VCAM1: variants seen among roughly 807,000 people sequenced by gnomAD.
VCAM1 encodes vascular cell adhesion molecule 1, also known as vascular cell adhesion protein 1.
VCAM1 carries 41 observed loss-of-function variants against 63.8 expected under a neutral mutation model. The observed-to-expected ratio is 0.64, with a 90% CI of 0.50 to 0.83. The LOEUF is 0.83. Ranked by LOEUF, VCAM1 falls within the 40% of genes least tolerant of loss-of-function variation. VCAM1 has a pLI of 0.00. For synonymous variants in VCAM1, 338 were observed against 320.7 expected (o/e 1.05, Z -0.58); for missense variants, 798 against 875.5 (o/e 0.91, Z 1.12).
rs35811606 is a variant in VCAM1 at position 100,728,715 on chromosome 1, A to AATATATATATATATAT, written c.929-384_929-369dup. Among the ~76,000 whole-genome samples, 426 of 144,982 alleles carry AATATATATATATATAT rather than the reference A, an allele frequency of 2.9e-3. 1 individual carries two copies. Among genetic ancestry groups the AATATATATATATATAT allele is most frequent in the African/African-American group, 0.011 (416 of 38,966 alleles). On this transcript the variant is annotated intron_variant, in intron 4 of 8. Coordinates refer to ENST00000294728, the MANE Select transcript of VCAM1 (RefSeq NM_001078.4). ...AAAATTGTTGTGAGGATTAAATGAG[A>AATATATATATATATAT]ATATATATATATATATATATATAGT... is the stretch of plus-strand genomic sequence containing the variant.
chr1:100,724,983 A>G, intron 4 of VCAM1, 93 bp downstream of exon 4: 3 of 1,473,992 alleles, frequency 2.0e-6, no homozygotes, highest in African/African-American at 1.4e-5. Context: ...TGCTTCCCTT[A>G]GTTTCACTGA....
rs1660435864 is a variant in VCAM1 at position 100,731,083 on chromosome 1, A to C, written c.1205-115A>C. 16 of 878,152 alleles carry C rather than the reference A, an allele frequency of 1.8e-5. No homozygotes were observed. In the South Asian group the frequency reaches 2.5e-4, roughly 14 times the overall value. The allele number at this position is 878,152 out of a possible 1,614,324, so 54.4% of individuals were successfully genotyped here. A position where few individuals can be genotyped will look rare whatever the true frequency, so the allele number is the denominator to read the frequency against. On this transcript the variant is annotated intron_variant, in intron 5 of 8. Coordinates refer to ENST00000294728, the MANE Select transcript of VCAM1 (RefSeq NM_001078.4). The surrounding 1 kb of genome is among the most constrained non-coding windows in gnomAD (Gnocchi z 4.2). ...TGTCATTACTTATATATTGACAGTC[A>C]TTCTATCCCAGGTGACTTAAAGCTG... is the stretch of plus-strand genomic sequence containing the variant.
At chr1:100,732,323 C>G in intron 6 of VCAM1, 95 bp from the exon 7 acceptor site, 7 of 1,321,450 alleles carry the variant, frequency 5.3e-6, no homozygotes, top group Non-Finnish European at 6.1e-6. Flanking sequence ...CTCTTTGAGT[C>G]TGCTGAATCC....
At chr1:100,736,732 G>C (rs1437160967) in intron 8 of VCAM1, 2 of 152,112 alleles carry the variant, frequency 1.3e-5, no homozygotes, top group Non-Finnish European at 2.9e-5. Flanking sequence ...TCTAGCAAGG[G>C]AAAGTCAAAA....
At chr1:100,729,616 A>G (rs1299240511) in intron 5 of VCAM1, among the ~76,000 whole-genome samples, 1 of 152,136 alleles carries the variant, frequency 6.6e-6, no homozygotes, top group Non-Finnish European at 1.5e-5. Context: ...TGCCTTGTCA[A>G]TACTCTCTCA....
At chr1:100,721,053 TA>T (rs1659935731) in intron 2 of VCAM1, among the ~76,000 whole-genome samples, 1 of 152,102 alleles carries the variant, frequency 6.6e-6, no homozygotes, top group South Asian at 2.1e-4. Context: ...TTTGTTTTAT[TA>T]AAAAATATTT....
rs1483916897 is a variant in VCAM1 at position 100,738,438 on chromosome 1, G to A, written c.*155G>A. The A allele has an allele frequency of 6.2e-6, 5 of 804,254 alleles. No homozygotes were observed. Among genetic ancestry groups the A allele is most frequent in the Non-Finnish European group, 5.5e-6 (3 of 549,928 alleles). 49.8% of individuals were successfully genotyped at this position (804,254 alleles called of 1,614,324 possible). ...TGCCCATCTATGTCCCTTGCTGTGA[G>A]CAAGAAGTCAAAGTAAAACTTGCTG... On this transcript the variant is annotated 3_prime_UTR_variant, in exon 9 of 9. Transcript: ENST00000294728.
In VCAM1 at chr1:100,731,118, G is replaced by T; in HGVS notation, c.1205-80G>T. 1 of 1,396,020 alleles carries T rather than the reference G, an allele frequency of 7.2e-7. No homozygotes were observed. Among genetic ancestry groups the T allele is most frequent in the Non-Finnish European group, 9.6e-7 (1 of 1,040,554 alleles). The allele number at this position is 1,396,020 out of a possible 1,614,324, so 86.5% of individuals were successfully genotyped here. ...AGGTGACTTAAAGCTGTCATTTTTA[G>T]GCCTTTACATTTAATAAAGCTTAGC... On this transcript the variant is annotated intron_variant, in intron 5 of 8. Transcript: ENST00000294728. This position sits in a 1 kb window ranked among gnomAD's most constrained non-coding sequence, Gnocchi z 4.2.
intron 3 of VCAM1, among the ~76,000 whole-genome samples, chr1:100,723,630 T>C (rs1001447037): frequency 3.6e-4 from 54 of 152,096 alleles, no homozygotes; most frequent in African/African-American, 1.3e-3. Flanking sequence ...TACCACCTGA[T>C]TGGGTAGTGG....
chr1:100,720,739 G>A lies in VCAM1; in HGVS notation c.328G>A (p.Val110Met), dbSNP rs761890360. The A allele has an allele frequency of 1.2e-6, 2 of 1,611,236 alleles. No homozygotes were observed. The highest frequency in any genetic ancestry group is 1.1e-5 in the South Asian group (1 of 90,810). ...TAGGAAATTGGAAAAAGGAATCCAG[G>A]TGGAGATCTACTGTGAGTGCTTTAG... ...ESRKLEKGIQ[V>M]EIYSFPKDPE... The change falls in exon 2 of 9, where the codon GTG (valine) becomes ATG (methionine). Residue 110 changes from valine (V) to methionine (M), a missense_variant. Val to Met is a conservative substitution (Grantham distance 21). Coordinates refer to ENST00000294728, the MANE Select transcript of VCAM1 (RefSeq NM_001078.4).
rs1660732446 is a variant in VCAM1 at position 100,738,319 on chromosome 1, A to G, written c.*36A>G. 6.3e-7 allele frequency: 1 copy of G among 1,594,976 alleles called. No homozygotes were observed. Among genetic ancestry groups the G allele is most frequent in the Non-Finnish European group, 8.6e-7 (1 of 1,168,574 alleles). ...ATATGTTCAACTGGAGACACTATTT[A>G]TCTGTGCAAATCCTTGATACTGCTC... On this transcript the variant is annotated 3_prime_UTR_variant, in exon 9 of 9. Coordinates refer to ENST00000294728, the MANE Select transcript of VCAM1 (RefSeq NM_001078.4).
Position 100,731,101 on chromosome 1 carries a change from T to C in VCAM1, c.1205-97T>C. The C allele has an allele frequency of 2.5e-6, 3 of 1,215,034 alleles. No homozygotes were observed. The highest frequency in any genetic ancestry group is 3.4e-6 in the Non-Finnish European group (3 of 883,688). 75.3% of individuals were successfully genotyped at this position (1,215,034 alleles called of 1,614,324 possible). A position where few individuals can be genotyped will look rare whatever the true frequency, so the allele number is the denominator to read the frequency against. On this transcript the variant is annotated intron_variant, in intron 5 of 8. Transcript: ENST00000294728. This position sits in a 1 kb window ranked among gnomAD's most constrained non-coding sequence, Gnocchi z 4.2. ...GACAGTCATTCTATCCCAGGTGACT[T>C]AAAGCTGTCATTTTTAGGCCTTTAC...
At chr1:100,723,366 G>T (rs781198030) in intron 3 of VCAM1, 26 bp downstream of exon 3, 1 of 1,596,782 alleles carries the variant, frequency 6.3e-7, no homozygotes, top group Non-Finnish European at 8.6e-7. Context: ...ATGTGTTCCA[G>T]TCTTTGTGGG....
intron 8 of VCAM1, chr1:100,736,591 A>AAAAG (rs555789226): frequency 5.8e-4 from 89 of 152,298 alleles, no homozygotes; most frequent in Admixed American, 1.8e-3. Context: ...TATTACATTG[A>AAAAG]AAAGAAAGAA....
At chr1:100,735,552 G>A (rs766634865) in intron 8 of VCAM1, 1 of 152,214 alleles carries the variant, frequency 6.6e-6, no homozygotes, top group African/African-American at 2.4e-5. Context: ...CAAATGCCAA[G>A]TCTTAAGAGG....
Position 100,723,135 on chromosome 1 carries a change from A to T in VCAM1, c.456A>T (p.Leu152Phe). 1 of 1,613,156 alleles carries T rather than the reference A, an allele frequency of 6.2e-7. No individual in the cohort carries two copies. Among genetic ancestry groups the T allele is most frequent in the Non-Finnish European group, 8.5e-7 (1 of 1,179,478 alleles). Reference protein sequence around the residue: ...VYPFDRLEIDLLKGDHLMKSQ... With the variant: ...VYPFDRLEIDFLKGDHLMKSQ... Reference sequence around the variant, plus strand: ...CATTTGACAGGCTGGAGATAGACTTACTGAAAGGAGATCATCTCATGAAGA... The same window carrying T: ...CATTTGACAGGCTGGAGATAGACTTTCTGAAAGGAGATCATCTCATGAAGA... The change falls in exon 3 of 9, where the codon TTA becomes TTT. Residue 152 changes from leucine (L) to phenylalanine (F), a missense_variant. Leu to Phe is a conservative substitution (Grantham distance 22). Transcript: ENST00000294728.
intron 7 of VCAM1, among the ~76,000 whole-genome samples, chr1:100,733,136 TG>T (rs1660522467): frequency 6.6e-6 from 1 of 152,218 alleles, no homozygotes; most frequent in African/African-American, 2.4e-5. Flanking sequence ...TCTGAGATTA[TG>T]AGTAGCCATG....
chr1:100,726,904 A>G (rs1381809816), intron 4 of VCAM1, among the ~76,000 whole-genome samples: 1 of 152,192 alleles, frequency 6.6e-6, no homozygotes, highest in Non-Finnish European at 1.5e-5. Flanking sequence ...GCTCAAGCCT[A>G]TAATCCCAGC....
intron 8 of VCAM1, chr1:100,736,161 C>A (rs930684599): frequency 2.6e-5 from 4 of 152,206 alleles, no homozygotes; most frequent in African/African-American, 7.2e-5. Context: ...CTCTGTCTCA[C>A]ACACATTGCT....
Sources: allele counts gnomAD v4.1 joint callset (sites outside exome capture counted in the v4.1 genomes callset), GRCh38; gene constraint gnomAD v4.1.1; non-coding constraint Gnocchi (gnomAD v3.1); transcripts MANE v1.5; gene names NCBI Gene and HGNC (gene_info 2026-07-23, HGNC 2026-07-21).